The following MPND variants were observed in gnomAD, a reference collection of about 807,000 sequenced individuals.
The protein encoded by MPND is MPN domain-containing protein.
Under a neutral mutation model 59.2 loss-of-function variants are expected in MPND, and 56 were observed. The ratio of observed to expected loss-of-function variants is 0.95; its 90% confidence interval spans 0.76 to 1.18. The LOEUF (loss-of-function observed/expected upper bound fraction) is 1.18. Ranked by LOEUF, MPND falls within the 50% of genes most tolerant of loss-of-function variation. The pLI is 0.00. For missense variants in MPND, 671 were observed against 676.0 expected (o/e 0.99, Z 0.08); for synonymous variants, 323 against 291.9 (o/e 1.11, Z -1.09).
rs534214483 is a variant in MPND at position 4,357,350 on chromosome 19, C to T, written c.1094C>T (p.Ala365Val). Residue 365 changes from alanine to valine, a missense_variant, in exon 9 of 13, where the codon GCA (alanine) becomes GTA (valine). Coordinates refer to ENST00000599840, the MANE Select transcript of MPND (RefSeq NM_001300862.2). Reference sequence around the variant, plus strand: ...CTGCCATCTCTGCAGGACATCGACGCACAGATGGACTACCAGCTGCGGCTG... The same window carrying T: ...CTGCCATCTCTGCAGGACATCGACGTACAGATGGACTACCAGCTGCGGCTG... Reference protein sequence around the residue: ...PALPSLQDIDAQMDYQLRLQG... With the variant: ...PALPSLQDIDVQMDYQLRLQG... 6.2e-7 allele frequency: 1 copy of T among 1,613,162 alleles called. No homozygotes were observed. Among genetic ancestry groups the T allele is most frequent in the African/African-American group, 1.3e-5 (1 of 74,964 alleles).
In MPND at chr19:4,343,602, T is replaced by C. The variant is rs1972114537; in HGVS notation, c.7+2T>C. The C allele has an allele frequency of 8.4e-7, 1 of 1,188,324 alleles. No homozygotes were observed. The highest frequency in any genetic ancestry group is 4.5e-5 in the Admixed American group (1 of 22,204). The allele number at this position is 1,188,324 out of a possible 1,614,324, so 73.6% of individuals were successfully genotyped here. A position where few individuals can be genotyped will look rare whatever the true frequency, so the allele number is the denominator to read the frequency against. On this transcript the variant is annotated splice_donor_variant, in intron 1 of 12. Coordinates refer to ENST00000599840, the MANE Select transcript of MPND (RefSeq NM_001300862.2). LOFTEE classifies it high-confidence loss of function. ...CGCGGGGAGGCGCGGCCATGGCAGG[T>C]ACGGCGGGCCCAGCGGGGCGGAGGC...
intron 2 of MPND, 109 bp downstream of exon 2, chr19:4,344,103 A>T: frequency 1.2e-6 from 1 of 821,588 alleles, no homozygotes; most frequent in Non-Finnish European, 1.6e-6. Flanking sequence ...GGGGACACTG[A>T]GGCCCGGAGC....
intron 2 of MPND, among the ~76,000 whole-genome samples, chr19:4,344,761 C>T (rs1972147103): frequency 7.8e-6 from 1 of 128,792 alleles, no homozygotes; most frequent in Admixed American, 8.6e-5. Context: ...TTTTTTGAGA[C>T]AGAGTCTCGC....
chr19:4,356,277 C>T (rs903960561), intron 8 of MPND, among the ~76,000 whole-genome samples: 9 of 152,032 alleles, frequency 5.9e-5, no homozygotes, highest in South Asian at 2.1e-4. Flanking sequence ...CAGATCCAGG[C>T]ACCGGGGGTT....
intron 2 of MPND, among the ~76,000 whole-genome samples, chr19:4,344,543 G>T (rs1972142966): frequency 6.6e-6 from 1 of 152,200 alleles, no homozygotes; most frequent in Middle Eastern, 3.2e-3. Context: ...CCACAAAGGA[G>T]AAGCTGAGGC....
chr19:4,346,613 C>T (rs1336633898), intron 3 of MPND, among the ~76,000 whole-genome samples: 1 of 152,016 alleles, frequency 6.6e-6, no homozygotes, highest in Non-Finnish European at 1.5e-5. Context: ...GATGAGGTTT[C>T]ACCATGTTGC....
intron 3 of MPND, among the ~76,000 whole-genome samples, chr19:4,346,382 C>T (rs891551427): frequency 3.3e-5 from 5 of 151,902 alleles, no homozygotes; most frequent in South Asian, 2.1e-4. Flanking sequence ...GTTCACCAGC[C>T]GGGTGAACTT....
At chr19:4,357,979 G>C in intron 10 of MPND, 104 bp from the exon 11 acceptor site, 1 of 886,802 alleles carries the variant, frequency 1.1e-6, no homozygotes, top group Non-Finnish European at 1.8e-6. Flanking sequence ...AGCTGAGCCG[G>C]GGTGTGCACT....
Position 4,360,048 on chromosome 19 carries a change from GGGCTCA to G in MPND, c.*49_*54del. 1.3e-6 allele frequency: 2 copies of G among 1,496,796 alleles called. No homozygotes were observed. Among genetic ancestry groups the G allele is most frequent in the Non-Finnish European group, 1.8e-6 (2 of 1,100,104 alleles). 92.7% of individuals were successfully genotyped at this position (1,496,796 alleles called of 1,614,324 possible). A position where few individuals can be genotyped will look rare whatever the true frequency, so the allele number is the denominator to read the frequency against. On this transcript the variant is annotated 3_prime_UTR_variant, in exon 13 of 13. Transcript: ENST00000599840. ...CTCCAGTTGTCTTGAGGGTCCGGAT[GGGCTCA>G]GGTAATAAAGAAACGGAAGCAGCAG...
intron 8 of MPND, among the ~76,000 whole-genome samples, chr19:4,355,920 C>A (rs1309059618): frequency 7.0e-6 from 1 of 143,802 alleles, no homozygotes; most frequent in Non-Finnish European, 1.5e-5. Context: ...AGGGCGCGAT[C>A]TTGGCTCACT....
At chr19:4,350,069 G>A (rs766389871) in intron 3 of MPND, among the ~76,000 whole-genome samples, 1 of 152,002 alleles carries the variant, frequency 6.6e-6, no homozygotes, top group Admixed American at 6.6e-5. Context: ...GGGAGTTGTG[G>A]GGGAAGAAGG....
intron 11 of MPND, 46 bp downstream of exon 11, chr19:4,358,218 C>T: frequency 6.7e-7 from 1 of 1,492,470 alleles, no homozygotes; most frequent in African/African-American, 1.4e-5. Context: ...CAGTGCGCAG[C>T]TGGGCACACG....
chr19:4,354,726 T>C, intron 6 of MPND: 1 of 593,700 alleles, frequency 1.7e-6, no homozygotes. Context: ...TAGCTGGGCA[T>C]GGTGGTGCAC....
rs780661412 is a variant in MPND at position 4,354,067 on chromosome 19, G to T, written c.687G>T (p.Arg229=). The T allele has an allele frequency of 1.1e-5, 18 of 1,613,290 alleles. No individual in the cohort carries two copies. Among genetic ancestry groups the T allele is most frequent in the Non-Finnish European group, 1.5e-5 (18 of 1,179,416 alleles). ...AHPEATTPGK[R]VDSKIRVPVR... ...CAGAGGCCACAACCCCAGGGAAGCG[G>T]GTGGACAGCAAGATCCGGGTTCCGG... Residue 229 remains arginine, a synonymous_variant, in exon 5 of 13, where the codon CGG becomes CGT. Coordinates refer to ENST00000599840, the MANE Select transcript of MPND (RefSeq NM_001300862.2).
intron 8 of MPND, among the ~76,000 whole-genome samples, chr19:4,355,430 G>A (rs373658173): frequency 6.8e-6 from 1 of 148,048 alleles, no homozygotes; most frequent in Non-Finnish European, 1.5e-5. Context: ...CCGCCTCCCG[G>A]GTTCACGCCA....
In MPND at chr19:4,359,182, A is replaced by C; in HGVS notation, c.1346A>C (p.Tyr449Ser). Residue 449 changes from tyrosine (Y) to serine (S), a missense_variant, in exon 12 of 13, where the codon TAC becomes TCC. Tyr to Ser is a moderately radical substitution (Grantham distance 144, BLOSUM62 -2). Coordinates refer to ENST00000599840, the MANE Select transcript of MPND (RefSeq NM_001300862.2). ...CTGTAGATGCTGCTGGTGGAGTTCT[A>C]CAAGGGTTCCCCTGACCTCGTGAGG... ...LHEMMLLVEF[Y>S]KGSPDLVRLQ... The C allele has an allele frequency of 6.2e-7, 1 of 1,613,046 alleles. No homozygotes were observed. Among genetic ancestry groups the C allele is most frequent in the Non-Finnish European group, 8.5e-7 (1 of 1,179,564 alleles).
chr19:4,358,368 A>C (rs1599579741), intron 11 of MPND, 196 bp downstream of exon 11: 4 of 563,622 alleles, frequency 7.1e-6, no homozygotes, highest in Non-Finnish European at 1.3e-5. Flanking sequence ...GCCCTCCCTC[A>C]CCTCCCCACC....
In MPND at chr19:4,357,531, C is replaced by T. The variant is rs746876088; in HGVS notation, c.1182C>T (p.Gly394=). 4 of 1,613,666 alleles carry T rather than the reference C, an allele frequency of 2.5e-6. No individual in the cohort carries two copies. Among genetic ancestry groups the T allele is most frequent in the South Asian group, 2.2e-5 (2 of 90,922 alleles). ...LALLCSPYYS[G]NPGPESKISP... is the part of the protein sequence containing the mutation. The stretch of plus-strand genomic sequence containing the variant: ...TCCCGCCAGCCCCTTACTATTCTGG[C>T]AACCCAGGCCCCGAGTCCAAGATCT... The change falls in exon 10 of 13, where the codon GGC becomes GGT. Residue 394 remains glycine (G), a synonymous_variant. Transcript: ENST00000599840.
At chr19:4,350,859 C>A (rs1182998468) in intron 3 of MPND, among the ~76,000 whole-genome samples, 7 of 151,906 alleles carry the variant, frequency 4.6e-5, no homozygotes, top group Non-Finnish European at 1.0e-4. Flanking sequence ...ATGAGGCCAC[C>A]TGGGAGGGGT....
Sources: allele counts gnomAD v4.1 joint callset (sites outside exome capture counted in the v4.1 genomes callset), GRCh38; gene constraint gnomAD v4.1.1; transcripts MANE v1.5; gene names NCBI Gene and HGNC (gene_info 2026-07-23, HGNC 2026-07-21).